Variants in TUT7 observed in about 807,000 individuals in gnomAD.
TUT7 encodes the protein terminal uridylyltransferase 7.
A neutral mutation model predicts 165.9 loss-of-function variants in TUT7; 33 were observed. That is an observed-to-expected ratio of 0.20 (90% CI 0.15 to 0.27). TUT7 has a LOEUF of 0.27. Ranked by LOEUF, TUT7 falls within the 10% of genes least tolerant of loss-of-function variation. The pLI, the probability that TUT7 is intolerant of heterozygous loss-of-function variation, is 1.00. For missense variants in TUT7, 1,338 were observed against 1,762.3 expected (o/e 0.76, Z 4.31); for synonymous variants, 552 against 608.1 (o/e 0.91, Z 1.36).
intron 26 of TUT7, among the ~76,000 whole-genome samples, chr9:86,299,569 C>T (rs1255345862): frequency 6.6e-6 from 1 of 152,184 alleles, no homozygotes; most frequent in Non-Finnish European, 1.5e-5. Flanking sequence ...TGTGTCAAGA[C>T]TGCATTCTGA....
intron 26 of TUT7, among the ~76,000 whole-genome samples, chr9:86,289,330 C>A (rs540810192): frequency 6.6e-6 from 1 of 152,150 alleles, no homozygotes; most frequent in East Asian, 1.9e-4. Context: ...CTGAAGAGAC[C>A]TGAGAAATTC....
rs375726501 is a variant in TUT7, at chr9:86,323,414, C to T, written c.2336G>A (p.Arg779His). 10 of 1,614,194 alleles carry T rather than the reference C, an allele frequency of 6.2e-6. No homozygotes were observed. The highest frequency in any genetic ancestry group is 1.7e-5 in the Admixed American group (1 of 60,020). Residue 779 changes from arginine to histidine, a missense_variant, in exon 13 of 27, where the codon CGT becomes CAT. By Grantham distance (29) the Arg-to-His change is conservative. Transcript: ENST00000375963. ...CAAAGTGCTCTCTGACTCATTATTA[C>T]GTGTGCTGCCACAGACAACATGCTC... ...RGEHVVCGST[R>H]NNESESTLDL...
chr9:86,303,526 AG>A (rs1206507178), intron 24 of TUT7, among the ~76,000 whole-genome samples: 1 of 152,212 alleles, frequency 6.6e-6, no homozygotes, highest in Non-Finnish European at 1.5e-5. Context: ...CCAGGTACAC[AG>A]GCTTTGTCTC....
intron 10 of TUT7, among the ~76,000 whole-genome samples, chr9:86,336,438 T>A (rs1462053599): frequency 6.6e-6 from 1 of 152,192 alleles, no homozygotes; most frequent in African/African-American, 2.4e-5. Context: ...CAGCATGCAA[T>A]AATCCCTTAT....
At position 86,352,894 on chromosome 9, in the gene TUT7, C is replaced by T. The variant is rs748584115; in HGVS notation, c.306G>A (p.Leu102=). ...CTGAATTACCAGTATGTTCATCAGACAGCCATCTCTTACTCTGATCTTTGT... is the reference window on the plus strand; with the variant it reads ...CTGAATTACCAGTATGTTCATCAGATAGCCATCTCTTACTCTGATCTTTGT... ...DSHKDQSKRW[L]SDEHTGNSDN... The change falls in exon 2 of 27, where the codon CTG becomes CTA. Residue 102 remains leucine (L), a synonymous_variant. Coordinates refer to ENST00000375963, the MANE Select transcript of TUT7 (RefSeq NM_024617.4). 1 of 1,614,212 alleles carries T rather than the reference C, an allele frequency of 6.2e-7. No homozygotes were observed. The highest frequency in any genetic ancestry group is 8.5e-7 in the Non-Finnish European group (1 of 1,180,040).
chr9:86,344,491 A>G (rs1831584745), intron 5 of TUT7, among the ~76,000 whole-genome samples: 1 of 152,154 alleles, frequency 6.6e-6, no homozygotes, highest in Non-Finnish European at 1.5e-5. Flanking sequence ...TGGAAAATCA[A>G]TTCAACAGTG....
intron 2 of TUT7, 66 bp downstream of exon 2, chr9:86,352,614 T>A: frequency 6.3e-7 from 1 of 1,578,142 alleles, no homozygotes; most frequent in Non-Finnish European, 8.7e-7. Flanking sequence ...CAAAACTCAT[T>A]TGGATGAAAA....
Position 86,346,336 on chromosome 9 carries a change from T to C in TUT7, c.665A>G (p.Glu222Gly). ...KELLGLQQAEERLKRDCIDRL... is the reference protein window; with the variant it reads ...KELLGLQQAEGRLKRDCIDRL... ...GTCAATGCAGTCTCTCTTCAGTCTC[T>C]CCTCAGCCTGCTGTAAGCCTAGCAG... is the stretch of plus-strand genomic sequence containing the variant. Residue 222 changes from glutamate to glycine, a missense_variant, in exon 3 of 27, where the codon GAG (glutamate) becomes GGG (glycine). This residue lies in a region of TUT7 where 434 missense variants were observed against 480.8 expected (regional missense o/e 0.90). Transcript: ENST00000375963. 1 of 1,614,082 alleles carries C rather than the reference T, an allele frequency of 6.2e-7. No individual in the cohort carries two copies. The highest frequency in any genetic ancestry group is 8.5e-7 in the Non-Finnish European group (1 of 1,179,964).
intron 10 of TUT7, among the ~76,000 whole-genome samples, chr9:86,332,343 G>C (rs570024399): frequency 6.7e-6 from 1 of 148,572 alleles, no homozygotes; most frequent in South Asian, 2.2e-4. Context: ...ATACACCGTG[G>C]AATACTATGC....
chr9:86,335,383 A>G lies in TUT7; in HGVS notation c.1455+2036T>C, dbSNP rs542434382. 1.4e-4 allele frequency among the ~76,000 whole-genome samples: 22 copies of G among 152,338 alleles called. 1 individual carries two copies. Among genetic ancestry groups the G allele is most frequent in the African/African-American group, 4.3e-4 (18 of 41,584 alleles). The stretch of plus-strand genomic sequence containing the variant: ...CAACTCACTATGATTAACTTCAATC[A>G]TATCAAGATTTAATGACAATAAAAT... On this transcript the variant is annotated intron_variant, in intron 10 of 26. Coordinates refer to ENST00000375963, the MANE Select transcript of TUT7 (RefSeq NM_024617.4).
intron 5 of TUT7, 39 bp from the exon 6 acceptor site, chr9:86,343,202 T>C (rs1208523584): frequency 2.9e-5 from 37 of 1,274,156 alleles, no homozygotes; most frequent in Admixed American, 5.0e-5. Context: ...ATAAATACAG[T>C]AGAATTTCTC....
intron 9 of TUT7, 101 bp from the exon 10 acceptor site, chr9:86,337,639 G>T: frequency 7.5e-7 from 1 of 1,341,056 alleles, no homozygotes; most frequent in Non-Finnish European, 1.0e-6. Context: ...TTTACTACAT[G>T]ATTTACGGTA....
chr9:86,322,136 CTTCT>C (rs1371485977), intron 14 of TUT7, among the ~76,000 whole-genome samples, 185 bp downstream of exon 14: 1 of 151,998 alleles, frequency 6.6e-6, no homozygotes, highest in East Asian at 1.9e-4. Flanking sequence ...TCTCCTCATC[CTTCT>C]TTGACATTTA....
At chr9:86,301,691 A>G (rs1735311084) in intron 25 of TUT7, 90 bp from the exon 26 acceptor site, 3 of 1,517,166 alleles carry the variant, frequency 2.0e-6, no homozygotes, top group African/African-American at 2.8e-5. Flanking sequence ...GCAATTCTAG[A>G]TTTAAGAGAT....
In TUT7 at chr9:86,311,582, CCCCTCTT is replaced by C. The variant is rs1033159272; in HGVS notation, c.3275-780_3275-774del. 4.1e-5 allele frequency among the ~76,000 whole-genome samples: 4 copies of C among 96,972 alleles called. No individual in the cohort carries two copies. The highest frequency in any genetic ancestry group is 6.7e-5 in the Non-Finnish European group (3 of 44,548). 63.6% of individuals were successfully genotyped at this position (96,972 alleles called of 152,430 possible). On this transcript the variant is annotated intron_variant, in intron 17 of 26. Transcript: ENST00000375963. This position sits in a 1 kb window ranked among gnomAD's most constrained non-coding sequence, Gnocchi z 4.4. ...TCCTTAGTCCTCTCCCTCTCCCTCTCCCCTCTTCCCTCTCCCCTCTCCCCACGGTCTC... is the reference window on the plus strand; with the variant it reads ...TCCTTAGTCCTCTCCCTCTCCCTCTCCCCTCTCCCCTCTCCCCACGGTCTC...
At chr9:86,344,743 T>TA (rs1831609634) in intron 5 of TUT7, 3 of 486,614 alleles carry the variant, frequency 6.2e-6, no homozygotes, top group Non-Finnish European at 7.1e-6. Context: ...GCATTCAACT[T>TA]AAAGTTCACA....
chr9:86,290,869 A>C (rs907804011), intron 26 of TUT7, among the ~76,000 whole-genome samples: 8 of 151,994 alleles, frequency 5.3e-5, no homozygotes, highest in African/African-American at 1.9e-4. Flanking sequence ...CAAAAAAGAA[A>C]AAAAAAGAGA....
Position 86,311,535 on chromosome 9 carries a change from A to G in TUT7, c.3275-726T>C, listed in dbSNP as rs148839417. ...ACTGGGAAAGGTCCAACTACAGAACATACACATTTTGCTAAGAATTATCCT... is the reference window on the plus strand; with the variant it reads ...ACTGGGAAAGGTCCAACTACAGAACGTACACATTTTGCTAAGAATTATCCT... On this transcript the variant is annotated intron_variant, in intron 17 of 26. Transcript: ENST00000375963. The surrounding 1 kb of genome is among the most constrained non-coding windows in gnomAD (Gnocchi z 4.4). Among the ~76,000 whole-genome samples, 176 of 152,020 alleles carry G rather than the reference A, an allele frequency of 1.2e-3. 1 individual carries two copies. The highest frequency in any genetic ancestry group is 6.9e-3 in the South Asian group (33 of 4,804).
At position 86,323,861 on chromosome 9, in the gene TUT7, G is replaced by A; in HGVS notation, c.1889C>T (p.Ala630Val). ...HCLRTTYKYF[A>V]LPHKITKSSL... ...GGATTTTGTAATTTTGTGTGGAAGA[G>A]CAAAATACTTGTATGTTGTCCTTAA... The change falls in exon 13 of 27, where the codon GCT becomes GTT. Residue 630 changes from alanine to valine, a missense_variant. By Grantham distance (64) the Ala-to-Val change is moderately conservative. This residue lies in a region of TUT7 where 425 missense variants were observed against 474.9 expected (regional missense o/e 0.89). Coordinates refer to ENST00000375963, the MANE Select transcript of TUT7 (RefSeq NM_024617.4). 6.2e-7 allele frequency: 1 copy of A among 1,614,026 alleles called. No individual in the cohort carries two copies.
Sources: gnomAD v4.1 joint callset for allele counts (sites outside exome capture counted in the v4.1 genomes callset) on GRCh38, gnomAD v4.1.1 for gene constraint, gnomAD v4.1.1 regional missense constraint, Gnocchi (gnomAD v3.1) non-coding constraint, MANE v1.5 for transcripts, NCBI Gene and HGNC (gene_info 2026-07-23, HGNC 2026-07-21) for gene names.